The following CA10 variants were observed in gnomAD, a reference collection of about 807,000 sequenced individuals.
CA10 encodes the protein carbonic anhydrase-related protein 10.
A neutral mutation model predicts 44.2 loss-of-function variants in CA10; 14 were observed. The observed-to-expected ratio is 0.32, with a 90% CI of 0.21 to 0.50. CA10 has a LOEUF of 0.50. CA10 is among the 20% of genes least tolerant of loss of function. CA10 has a pLI of 0.99. For synonymous variants in CA10, 159 were observed against 141.6 expected, an observed-to-expected ratio of 1.12 and a Z score of -0.87; for missense variants, 350 against 409.7, an observed-to-expected ratio of 0.85 and a Z score of 1.26.
chr17:51,991,260 C>T (rs1746188509), intron 2 of CA10, among the ~76,000 whole-genome samples: 1 of 152,088 alleles, frequency 6.6e-6, no homozygotes, highest in African/African-American at 2.4e-5. Flanking sequence ...AATTTTGAGG[C>T]CTCAACTTGA....
chr17:52,079,500 CATA>C (rs1390339765), intron 1 of CA10, among the ~76,000 whole-genome samples: 1 of 151,560 alleles, frequency 6.6e-6, no homozygotes, highest in Non-Finnish European at 1.5e-5. Context: ...AAGCTTAGTA[CATA>C]ATAAGTGCCA....
intron 3 of CA10, among the ~76,000 whole-genome samples, chr17:51,898,097 A>G (rs1373419152): frequency 1.3e-5 from 2 of 152,090 alleles, no homozygotes; most frequent in Non-Finnish European, 2.9e-5. Context: ...GACTTCCAGT[A>G]CTATGTTGAA....
chr17:51,878,996 A>T (rs1407108577), intron 3 of CA10, among the ~76,000 whole-genome samples: 1 of 149,376 alleles, frequency 6.7e-6, no homozygotes, highest in Non-Finnish European at 1.5e-5. Flanking sequence ...ATCTCAAAAT[A>T]ACCACTTTTG....
intron 4 of CA10, among the ~76,000 whole-genome samples, chr17:51,685,576 C>A (rs986082555): frequency 2.0e-5 from 3 of 152,160 alleles, no homozygotes; most frequent in African/African-American, 7.2e-5. Context: ...CAGAGGGACC[C>A]AGATCACTGA....
intron 4 of CA10, among the ~76,000 whole-genome samples, chr17:51,732,590 G>A (rs1045772125): frequency 6.6e-6 from 1 of 152,084 alleles, no homozygotes; most frequent in African/African-American, 2.4e-5. Flanking sequence ...GACAGTGTCT[G>A]CCTTCACCAG....
chr17:51,689,121 G>A (rs1271867725), intron 4 of CA10, among the ~76,000 whole-genome samples: 1 of 152,214 alleles, frequency 6.6e-6, no homozygotes, highest in Non-Finnish European at 1.5e-5. Flanking sequence ...GCACCCTATG[G>A]ACAGAGACCT....
chr17:51,798,893 A>C (rs1486128965), intron 3 of CA10, among the ~76,000 whole-genome samples: 1 of 152,236 alleles, frequency 6.6e-6, no homozygotes. Flanking sequence ...AACTCTGCGC[A>C]TCACCAAACA....
chr17:51,931,416 A>C (rs1982655427), intron 2 of CA10, among the ~76,000 whole-genome samples: 1 of 152,158 alleles, frequency 6.6e-6, no homozygotes, highest in South Asian at 2.1e-4. Flanking sequence ...TTTAATGCTA[A>C]CATCATTGTT....
chr17:52,074,238 A>T (rs1327037381), intron 1 of CA10, among the ~76,000 whole-genome samples: 1 of 149,588 alleles, frequency 6.7e-6, no homozygotes. Context: ...CCTACTAAAA[A>T]ACAACAACAA....
Position 52,157,876 on chromosome 17 carries a change from C to T in CA10, c.-90G>A, listed in dbSNP as rs1567751553. 2.0e-6 allele frequency: 2 copies of T among 1,024,744 alleles called. No homozygotes were observed. Among genetic ancestry groups the T allele is most frequent in the Non-Finnish European group, 3.1e-6 (2 of 644,418 alleles). 63.5% of individuals were successfully genotyped at this position (1,024,744 alleles called of 1,614,324 possible). A position where few individuals can be genotyped will look rare whatever the true frequency, so the allele number is the denominator to read the frequency against. On this transcript the variant is annotated 5_prime_UTR_variant, in exon 1 of 9. The change creates a new upstream start codon in the 5' untranslated region. Coordinates refer to ENST00000451037, the MANE Select transcript of CA10 (RefSeq NM_020178.5). Reference sequence around the variant, plus strand: ...CGGCACACACACATACACACTCGCACACACTTCCGAGCGAGTGCACACTCG... The same window carrying T: ...CGGCACACACACATACACACTCGCATACACTTCCGAGCGAGTGCACACTCG...
At position 51,630,718 on chromosome 17, in the gene CA10, G is replaced by GAGCCAGGGCTTAGCCTGT. The variant is rs1912532319; in HGVS notation, c.*848_*865dup. Reference sequence around the variant, plus strand: ...TGAAATCAAAGAATGCAGTTGCATGGAGCCAGGGCTTAGCCTGTAAGGAAG... The same window carrying GAGCCAGGGCTTAGCCTGT: ...TGAAATCAAAGAATGCAGTTGCATGGAGCCAGGGCTTAGCCTGTAGCCAGGGCTTAGCCTGTAAGGAAG... On this transcript the variant is annotated 3_prime_UTR_variant, in exon 9 of 9. Coordinates refer to ENST00000451037, the MANE Select transcript of CA10 (RefSeq NM_020178.5). 1 of 152,556 alleles carries GAGCCAGGGCTTAGCCTGT rather than the reference G, an allele frequency of 6.6e-6. No homozygotes were observed. The highest frequency in any genetic ancestry group is 2.1e-4 in the South Asian group (1 of 4,826). The allele number at this position is 152,556 out of a possible 1,614,324, so 9.5% of individuals were successfully genotyped here. A position where few individuals can be genotyped will look rare whatever the true frequency, so the allele number is the denominator to read the frequency against.
chr17:52,091,769 C>A (rs367550372), intron 1 of CA10, among the ~76,000 whole-genome samples: 9 of 152,118 alleles, frequency 5.9e-5, no homozygotes, highest in African/African-American at 2.2e-4. Flanking sequence ...TTCAATTTAG[C>A]AGGAAATGGC....
chr17:51,800,489 G>A (rs1223303715), intron 3 of CA10, among the ~76,000 whole-genome samples: 1 of 152,034 alleles, frequency 6.6e-6, no homozygotes, highest in Non-Finnish European at 1.5e-5. Context: ...GAATTTTATG[G>A]TGTCTCAATA....
At chr17:51,966,564 C>T (rs1984088177) in intron 2 of CA10, among the ~76,000 whole-genome samples, 1 of 151,558 alleles carries the variant, frequency 6.6e-6, no homozygotes. Flanking sequence ...CACCTATGAA[C>T]ATCTAATTTT....
At chr17:52,049,200 C>T (rs917496006) in intron 2 of CA10, among the ~76,000 whole-genome samples, 5 of 152,074 alleles carry the variant, frequency 3.3e-5, no homozygotes, top group Non-Finnish European at 7.4e-5. Context: ...GAGAGTCTCA[C>T]TGAATCCAGG....
intron 2 of CA10, among the ~76,000 whole-genome samples, chr17:51,989,638 C>A (rs975835807): frequency 6.6e-6 from 1 of 151,980 alleles, no homozygotes; most frequent in Non-Finnish European, 1.5e-5. Context: ...AGAATGAGAT[C>A]ATGTCCTTTA....
At chr17:51,878,070 G>A (rs1422650480) in intron 3 of CA10, among the ~76,000 whole-genome samples, 1 of 133,698 alleles carries the variant, frequency 7.5e-6, no homozygotes, top group Non-Finnish European at 1.5e-5. Context: ...CTTGAACCCA[G>A]AAGGCGGAGG....
intron 3 of CA10, among the ~76,000 whole-genome samples, chr17:51,887,843 C>CAAAAAAAAA (rs59075793): frequency 1.2e-5 from 1 of 83,622 alleles, no homozygotes; most frequent in Admixed American, 1.3e-4. Context: ...ACTAAAAATA[C>CAAAAAAAAA]AAAAAAAAAA....
chr17:52,103,199 C>T lies in CA10; in HGVS notation c.62-30806G>A, dbSNP rs527657250. ...TCCCTGGTAATTTTTGTACACAGCC[C>T]TAAGTAAGACTTCTCCACTATTTAG... On this transcript the variant is annotated intron_variant, in intron 1 of 8. Coordinates refer to ENST00000451037, the MANE Select transcript of CA10 (RefSeq NM_020178.5). Among the ~76,000 whole-genome samples the T allele has an allele frequency of 2.8e-4, 42 of 152,278 alleles. 2 individuals are homozygous for T. Among genetic ancestry groups the T allele is most frequent in the African/African-American group, 9.6e-5 (4 of 41,562 alleles).
Sources: allele counts gnomAD v4.1 joint callset (sites outside exome capture counted in the v4.1 genomes callset), GRCh38; gene constraint gnomAD v4.1.1; transcripts MANE v1.5; gene names NCBI Gene and HGNC (gene_info 2026-07-23, HGNC 2026-07-21).